Variants in TENM4 observed in about 807,000 individuals in gnomAD.
TENM4 encodes teneurin transmembrane protein 4.
A neutral mutation model predicts 243.3 loss-of-function variants in TENM4; 82 were observed. That is an observed-to-expected ratio of 0.34 (90% confidence interval 0.28 to 0.40). The LOEUF is 0.40. Ranked by LOEUF, TENM4 falls within the 10% of genes least tolerant of loss-of-function variation. The pLI, the probability that TENM4 is intolerant of heterozygous loss-of-function variation, is 1.00. For missense variants in TENM4, 3,138 were observed against 3,673.3 expected, an observed-to-expected ratio of 0.85 and a Z score of 3.77; for synonymous variants, 1,412 against 1,456.3, an observed-to-expected ratio of 0.97 and a Z score of 0.69.
Position 78,722,841 on chromosome 11 carries a change from A to G in TENM4, c.3627T>C (p.Asn1209=), listed in dbSNP as rs374324085. ...GGCAGGAGATGCTTCTCCGGCGCCC[A>G]TTGCCCATGATGCTCCCAATGACAG... The part of the protein sequence containing the change: ...QPPVIGSIMG[N]GRRRSISCPS... Residue 1209 remains asparagine (N), a synonymous_variant, in exon 24 of 34, where the codon AAT becomes AAC. Transcript: ENST00000278550. 2.7e-5 allele frequency: 44 copies of G among 1,613,914 alleles called. No homozygotes were observed. Among genetic ancestry groups the G allele is most frequent in the Non-Finnish European group, 3.3e-5 (39 of 1,179,898 alleles).
At chr11:79,189,510 A>G (rs1342532046) in intron 3 of TENM4, among the ~76,000 whole-genome samples, 1 of 152,206 alleles carries the variant, frequency 6.6e-6, no homozygotes, top group East Asian at 1.9e-4. Context: ...TGTTCATCAA[A>G]CACTGCAAAT....
chr11:78,994,147 C>T (rs558767679), intron 6 of TENM4, among the ~76,000 whole-genome samples: 1 of 152,300 alleles, frequency 6.6e-6, no homozygotes, highest in Non-Finnish European at 1.5e-5. Flanking sequence ...GTAGTGGAAG[C>T]CTAGGAAGTT....
intron 2 of TENM4, among the ~76,000 whole-genome samples, chr11:79,245,693 A>C (rs977767263): frequency 6.6e-6 from 1 of 152,176 alleles, no homozygotes; most frequent in Non-Finnish European, 1.5e-5. Context: ...TAATCCCAGC[A>C]CTTTGGGAGG....
chr11:79,168,050 T>C lies in TENM4; in HGVS notation c.-162-19244A>G, dbSNP rs1249744699. 3.3e-5 allele frequency among the ~76,000 whole-genome samples: 5 copies of C among 152,320 alleles called. No homozygotes were observed. The East Asian group carries it at 9.7e-4, about 29-fold the overall frequency. On this transcript the variant is annotated intron_variant, in intron 3 of 33. Coordinates refer to ENST00000278550, the MANE Select transcript of TENM4 (RefSeq NM_001098816.3). ...CTAGTTTGCAGAACTGGGGCCATGGTTAGATCATTGTCTTGTGCCTGGCAG... is the reference window on the plus strand; with the variant it reads ...CTAGTTTGCAGAACTGGGGCCATGGCTAGATCATTGTCTTGTGCCTGGCAG...
At chr11:79,053,353 T>A (rs1859851158) in intron 6 of TENM4, among the ~76,000 whole-genome samples, 1 of 152,218 alleles carries the variant, frequency 6.6e-6, no homozygotes, top group Non-Finnish European at 1.5e-5. Flanking sequence ...TCACTCTAGA[T>A]GTCATGTCTG....
chr11:78,672,452 C>A (rs946825356), intron 30 of TENM4, 123 bp from the exon 31 acceptor site: 1 of 1,004,928 alleles, frequency 1.0e-6, no homozygotes, highest in Non-Finnish European at 1.4e-6. Flanking sequence ...CACAGTCCTG[C>A]GCAGCAACAG....
intron 11 of TENM4, 130 bp from the exon 12 acceptor site, chr11:78,854,444 G>A: frequency 4.1e-6 from 3 of 731,136 alleles, no homozygotes; most frequent in Non-Finnish European, 4.0e-6. Context: ...AGAGGCTAAG[G>A]GTGCAGGAAG....
intron 6 of TENM4, among the ~76,000 whole-genome samples, chr11:79,054,837 G>C (rs1859900338): frequency 6.6e-6 from 1 of 152,032 alleles, no homozygotes; most frequent in African/African-American, 2.4e-5. Flanking sequence ...TGTGTGTAAA[G>C]TGTAACTGAC....
At chr11:79,169,911 G>A (rs1265060436) in intron 3 of TENM4, among the ~76,000 whole-genome samples, 1 of 152,176 alleles carries the variant, frequency 6.6e-6, no homozygotes, top group Admixed American at 6.5e-5. Context: ...GGGGAGGGCA[G>A]GGGACCCTGA....
chr11:79,352,258 G>A (rs1857426280), intron 1 of TENM4, among the ~76,000 whole-genome samples: 1 of 152,208 alleles, frequency 6.6e-6, no homozygotes, highest in South Asian at 2.1e-4. Flanking sequence ...GGAAGGAGAG[G>A]CATATGGTTA....
At chr11:79,164,646 T>A (rs948648223) in intron 3 of TENM4, among the ~76,000 whole-genome samples, 3 of 149,218 alleles carry the variant, frequency 2.0e-5, no homozygotes, top group African/African-American at 7.4e-5. Flanking sequence ...TTGACTTGTA[T>A]CTCCCAGAAT....
chr11:78,877,067 G>A (rs538111203), intron 9 of TENM4, among the ~76,000 whole-genome samples: 2 of 152,314 alleles, frequency 1.3e-5, no homozygotes, highest in South Asian at 4.1e-4. Context: ...GTTTGAAAAC[G>A]TGTCTGAGCT....
At chr11:79,185,056 T>C (rs900965116) in intron 3 of TENM4, among the ~76,000 whole-genome samples, 3 of 152,188 alleles carry the variant, frequency 2.0e-5, no homozygotes, top group East Asian at 1.9e-4. Flanking sequence ...CCCAGCACTT[T>C]GGGAGGCTGA....
intron 6 of TENM4, among the ~76,000 whole-genome samples, chr11:78,914,824 C>T (rs912239639): frequency 7.2e-5 from 11 of 152,240 alleles, no homozygotes; most frequent in African/African-American, 1.9e-4. Context: ...CCTCACCACC[C>T]CTACTGCCAC....
At chr11:79,039,452 G>A (rs1859465011) in intron 6 of TENM4, among the ~76,000 whole-genome samples, 1 of 152,204 alleles carries the variant, frequency 6.6e-6, no homozygotes, top group Admixed American at 6.5e-5. Flanking sequence ...GGCTCTGTGG[G>A]CAAGAAGATA....
chr11:78,958,202 C>G (rs1259996694), intron 6 of TENM4, among the ~76,000 whole-genome samples: 1 of 152,192 alleles, frequency 6.6e-6, no homozygotes, highest in Non-Finnish European at 1.5e-5. Flanking sequence ...TTCTCCCACC[C>G]ACCCACTACC....
At chr11:79,014,811 C>T (rs1392475224) in intron 6 of TENM4, 1 of 152,196 alleles carries the variant, frequency 6.6e-6, no homozygotes, top group East Asian at 1.9e-4. Flanking sequence ...ACACCTGTAG[C>T]CTTGGCCAGG....
intron 17 of TENM4, among the ~76,000 whole-genome samples, chr11:78,774,162 T>A (rs1856696989): frequency 6.6e-6 from 1 of 152,178 alleles, no homozygotes; most frequent in Admixed American, 6.5e-5. Context: ...ATAATATATA[T>A]CAATTATTTA....
chr11:78,974,560 T>G (rs1857609045), intron 6 of TENM4, among the ~76,000 whole-genome samples: 3 of 152,136 alleles, frequency 2.0e-5, no homozygotes, highest in Non-Finnish European at 4.4e-5. Context: ...CAGGATGTGG[T>G]CCTACCTTAC....
Sources: gnomAD v4.1 joint callset for allele counts (sites outside exome capture counted in the v4.1 genomes callset) on GRCh38, gnomAD v4.1.1 for gene constraint, MANE v1.5 for transcripts, NCBI Gene and HGNC (gene_info 2026-07-23, HGNC 2026-07-21) for gene names.